The following CPQ variants were observed in gnomAD, a reference collection of about 807,000 sequenced individuals.
CPQ encodes the protein Ser-Met dipeptidase.
CPQ carries 37 observed loss-of-function variants against 45.7 expected under a neutral mutation model. The ratio of observed to expected loss-of-function variants is 0.81; its 90% CI spans 0.62 to 1.07. The LOEUF is 1.07. Ranked by LOEUF, CPQ falls within the 50% of genes least tolerant of loss-of-function variation. CPQ has a pLI of 0.00. For missense variants in CPQ, 537 were observed against 572.9 expected, an observed-to-expected ratio of 0.94 and a Z score of 0.64; for synonymous variants, 186 against 205.8, an observed-to-expected ratio of 0.90 and a Z score of 0.82.
chr8:96,788,013 A>G (rs933738703), intron 2 of CPQ, among the ~76,000 whole-genome samples: 1 of 151,434 alleles, frequency 6.6e-6, no homozygotes, highest in African/African-American at 2.4e-5. Context: ...TTTGAAAGAT[A>G]GTTTTACTAG....
chr8:96,707,460 T>C (rs1224325734), intron 1 of CPQ, among the ~76,000 whole-genome samples: 1 of 152,056 alleles, frequency 6.6e-6, no homozygotes, highest in African/African-American at 2.4e-5. Flanking sequence ...CTTAAAACAT[T>C]ATGAGATTTT....
intron 1 of CPQ, among the ~76,000 whole-genome samples, chr8:96,656,571 G>C (rs1815640256): frequency 1.3e-5 from 2 of 152,120 alleles, no homozygotes; most frequent in Admixed American, 6.5e-5. Flanking sequence ...CTTAGAGTGG[G>C]CTCTGAGTCT....
chr8:96,840,503 G>C (rs972857756), intron 3 of CPQ, among the ~76,000 whole-genome samples: 2 of 152,110 alleles, frequency 1.3e-5, no homozygotes, highest in Admixed American at 6.6e-5. Flanking sequence ...CCTAATACCC[G>C]TTGTATCAGA....
chr8:96,795,589 T>C (rs551907239), intron 2 of CPQ, among the ~76,000 whole-genome samples: 1 of 152,342 alleles, frequency 6.6e-6, no homozygotes, highest in Non-Finnish European at 1.5e-5. Flanking sequence ...TGTCCTTTTA[T>C]CTTATATATC....
chr8:96,862,095 C>T (rs1811933696), intron 3 of CPQ, among the ~76,000 whole-genome samples: 1 of 151,966 alleles, frequency 6.6e-6, no homozygotes, highest in African/African-American at 2.4e-5. Flanking sequence ...TGTTTGATGA[C>T]TAGCAGTGTG....
chr8:96,877,308 C>A (rs967558378), intron 3 of CPQ, among the ~76,000 whole-genome samples: 5 of 152,100 alleles, frequency 3.3e-5, no homozygotes, highest in African/African-American at 1.2e-4. Flanking sequence ...CTTTCAGTGC[C>A]GTCTCCTCAG....
rs188262101 is a variant in CPQ at position 96,795,177 on chromosome 8, A to G, written c.433+9847A>G. Among the ~76,000 whole-genome samples the G allele has an allele frequency of 1.4e-3, 218 of 152,342 alleles. 4 individuals are homozygous for G. Among genetic ancestry groups the G allele is most frequent in the Admixed American group, 0.011 (169 of 15,302 alleles). On this transcript the variant is annotated intron_variant, in intron 2 of 7. Coordinates refer to ENST00000220763, the MANE Select transcript of CPQ (RefSeq NM_016134.4). ...CATACCCAAAACTGGGCAATTTACA[A>G]AAGAAAGAGATTTACTAGACTTACA...
chr8:97,026,226 C>A (rs1000994463), intron 5 of CPQ, among the ~76,000 whole-genome samples: 30 of 152,210 alleles, frequency 2.0e-4, no homozygotes, highest in African/African-American at 6.8e-4. Context: ...ATAAACAATT[C>A]TTGAAAACCT....
chr8:97,086,753 C>T (rs994622155), intron 7 of CPQ, among the ~76,000 whole-genome samples: 1 of 152,130 alleles, frequency 6.6e-6, no homozygotes, highest in African/African-American at 2.4e-5. Context: ...TATCTCAAAA[C>T]TCACATTGTC....
chr8:96,809,179 T>C (rs1000560505), intron 2 of CPQ, among the ~76,000 whole-genome samples: 2 of 151,906 alleles, frequency 1.3e-5, no homozygotes, highest in African/African-American at 4.8e-5. Flanking sequence ...TATATTGAAC[T>C]ATATATATAA....
chr8:96,963,825 C>G (rs1406325124), intron 4 of CPQ, among the ~76,000 whole-genome samples: 1 of 152,078 alleles, frequency 6.6e-6, no homozygotes, highest in Non-Finnish European at 1.5e-5. Context: ...CCTCTACCCC[C>G]TTTTTGTCAC....
chr8:97,044,447 G>T (rs1421855552), intron 6 of CPQ, among the ~76,000 whole-genome samples: 1 of 152,122 alleles, frequency 6.6e-6, no homozygotes, highest in African/African-American at 2.4e-5. Flanking sequence ...CTGTAGCTCG[G>T]AGTAGTTTGA....
intron 4 of CPQ, among the ~76,000 whole-genome samples, chr8:96,955,974 C>T (rs899832161): frequency 6.6e-6 from 1 of 152,154 alleles, no homozygotes; most frequent in Non-Finnish European, 1.5e-5. Context: ...GCAAGGACTT[C>T]ATGTCTAAAA....
At chr8:96,900,838 G>T (rs1242930798) in intron 4 of CPQ, among the ~76,000 whole-genome samples, 5 of 151,978 alleles carry the variant, frequency 3.3e-5, no homozygotes, top group African/African-American at 1.2e-4. Context: ...GAAAAGTCTT[G>T]GTTTTCAGAT....
At chr8:97,016,289 T>C (rs1809578974) in intron 5 of CPQ, among the ~76,000 whole-genome samples, 1 of 152,160 alleles carries the variant, frequency 6.6e-6, no homozygotes, top group Non-Finnish European at 1.5e-5. Flanking sequence ...CTAAAGCAAA[T>C]GTCAAAGCTG....
At chr8:96,832,691 T>C (rs1811475908) in intron 2 of CPQ, among the ~76,000 whole-genome samples, 1 of 152,076 alleles carries the variant, frequency 6.6e-6, no homozygotes, top group Non-Finnish European at 1.5e-5. Context: ...AGTGGAATCT[T>C]GAGGGATGCA....
intron 4 of CPQ, among the ~76,000 whole-genome samples, chr8:96,926,119 G>A (rs1193527672): frequency 1.3e-5 from 2 of 152,202 alleles, no homozygotes; most frequent in Non-Finnish European, 2.9e-5. Context: ...ACCTCTTAAG[G>A]ACAGTTGTAA....
intron 4 of CPQ, among the ~76,000 whole-genome samples, chr8:96,965,200 T>C (rs1342694185): frequency 2.0e-5 from 3 of 152,132 alleles, no homozygotes; most frequent in Admixed American, 1.3e-4. Context: ...AATAAATTAT[T>C]GTTCTCATTT....
In CPQ at chr8:97,094,850, C is replaced by T. The variant is rs1311739921; in HGVS notation, c.1255+28640C>T. 2.0e-5 allele frequency among the ~76,000 whole-genome samples: 3 copies of T among 152,086 alleles called. No homozygotes were observed. In the East Asian group the frequency reaches 5.8e-4, roughly 29 times the overall value. Reference sequence around the variant, plus strand: ...CTTTTTGTCCTCTCACTCATTCCTCCTTCCAGTGCATCCTGAATTCCACTT... The same window carrying T: ...CTTTTTGTCCTCTCACTCATTCCTCTTTCCAGTGCATCCTGAATTCCACTT... On this transcript the variant is annotated intron_variant, in intron 7 of 7. Coordinates refer to ENST00000220763, the MANE Select transcript of CPQ (RefSeq NM_016134.4).
Sources: allele counts gnomAD v4.1 joint callset (sites outside exome capture counted in the v4.1 genomes callset), GRCh38; gene constraint gnomAD v4.1.1; transcripts MANE v1.5; gene names NCBI Gene and HGNC (gene_info 2026-07-23, HGNC 2026-07-21).